SCHIP1: variants seen among roughly 807,000 people sequenced by gnomAD.
SCHIP1 encodes schwannomin interacting protein 1, also known as schwannomin-interacting protein 1.
A neutral mutation model predicts 29.7 loss-of-function variants in SCHIP1; 8 were observed. That is an observed-to-expected ratio of 0.27 (90% CI 0.16 to 0.49). The LOEUF (loss-of-function observed/expected upper bound fraction) is 0.49, where lower values mean the gene tolerates loss of function less well. Among genes scored for constraint, SCHIP1 ranks in the 20% least tolerant of loss-of-function variants. The probability of loss-of-function intolerance (pLI) is 0.99; values close to 1 mark genes in which losing one functional copy is unlikely to be tolerated. For synonymous variants in SCHIP1, 76 were observed against 94.9 expected (o/e 0.80, Z 1.16); for missense variants, 193 against 294.6 (o/e 0.66, Z 2.52).
the SCHIP1 span, among the ~76,000 whole-genome samples, chr3:159,834,810 A>ATG: frequency 1.3e-5 from 2 of 152,200 alleles, no homozygotes; most frequent in Admixed American, 6.5e-5. Context: ...CCTTCAGGTG[A>ATG]TGTGTATAAA....
At chr3:159,443,063 G>T in the SCHIP1 span, among the ~76,000 whole-genome samples, 1 of 152,186 alleles carries the variant, frequency 6.6e-6, no homozygotes, top group Non-Finnish European at 1.5e-5. Flanking sequence ...AGAGCTGAGG[G>T]AGTTGGTTGG....
At chr3:159,423,374 G>A in the SCHIP1 span, among the ~76,000 whole-genome samples, 8 of 152,342 alleles carry the variant, frequency 5.3e-5, no homozygotes, top group South Asian at 4.1e-4. Context: ...CTTTTCCGAC[G>A]GGCTTAAAAA....
chr3:159,854,612 G>A (rs568120659), intron 1 of SCHIP1, among the ~76,000 whole-genome samples: 7 of 152,266 alleles, frequency 4.6e-5, no homozygotes, highest in South Asian at 2.1e-4. Context: ...CCAGCTGTCC[G>A]CTTCTGCCGG....
the SCHIP1 span, among the ~76,000 whole-genome samples, chr3:159,656,605 T>C: frequency 6.6e-6 from 1 of 152,212 alleles, no homozygotes; most frequent in Non-Finnish European, 1.5e-5. Context: ...ATTCATCTAC[T>C]CTGTGCCTCG....
At chr3:159,786,659 G>A in the SCHIP1 span, among the ~76,000 whole-genome samples, 4 of 131,590 alleles carry the variant, frequency 3.0e-5, no homozygotes, top group Middle Eastern at 3.3e-3. Context: ...GTGACTCTGA[G>A]TCAAAGCGTG....
At chr3:159,400,436 G>A in the SCHIP1 span, among the ~76,000 whole-genome samples, 3 of 152,144 alleles carry the variant, frequency 2.0e-5, no homozygotes, top group Admixed American at 6.5e-5. Flanking sequence ...TACATGCCAG[G>A]TACTTTATGT....
At chr3:159,392,296 T>C in the SCHIP1 span, among the ~76,000 whole-genome samples, 2 of 152,168 alleles carry the variant, frequency 1.3e-5, no homozygotes, top group Non-Finnish European at 2.9e-5. Context: ...GAAAATGTTC[T>C]TGCCAGCACT....
At chr3:159,305,478 G>C in the SCHIP1 span, among the ~76,000 whole-genome samples, 9 of 152,112 alleles carry the variant, frequency 5.9e-5, no homozygotes, top group Non-Finnish European at 1.3e-4. Context: ...CTCAGAGAAA[G>C]TATTGCTCCT....
At chr3:159,414,639 C>T in the SCHIP1 span, among the ~76,000 whole-genome samples, 22 of 152,266 alleles carry the variant, frequency 1.4e-4, no homozygotes, top group South Asian at 6.2e-4. Context: ...ATGCCCAGTA[C>T]GTATAGATGC....
the SCHIP1 span, among the ~76,000 whole-genome samples, chr3:159,384,030 G>T: frequency 2.6e-5 from 4 of 151,592 alleles, no homozygotes; most frequent in Middle Eastern, 3.4e-3. Context: ...GGGTTTTCTA[G>T]ATATACAATC....
chr3:159,397,589 G>A, the SCHIP1 span, among the ~76,000 whole-genome samples: 3 of 152,184 alleles, frequency 2.0e-5, no homozygotes, highest in Non-Finnish European at 4.4e-5. Context: ...TGTGTGAGGT[G>A]TCAATCTTCC....
chr3:159,688,578 C>T, the SCHIP1 span, among the ~76,000 whole-genome samples: 178 of 152,278 alleles, frequency 1.2e-3, no homozygotes, highest in African/African-American at 4.2e-3. Context: ...GTTTCTTTTG[C>T]TGTGCAGAAG....
the SCHIP1 span, among the ~76,000 whole-genome samples, chr3:159,553,257 GA>G: frequency 1.6e-5 from 2 of 123,124 alleles, no homozygotes; most frequent in African/African-American, 8.2e-5. Flanking sequence ...CATTCAAATG[GA>G]AAAGGTTAAA....
the SCHIP1 span, among the ~76,000 whole-genome samples, chr3:159,578,928 T>C: frequency 6.6e-6 from 1 of 152,186 alleles, no homozygotes; most frequent in Non-Finnish European, 1.5e-5. Flanking sequence ...CCATGTGAAA[T>C]AGCATATTCA....
chr3:159,540,277 T>C, the SCHIP1 span, among the ~76,000 whole-genome samples: 1 of 152,116 alleles, frequency 6.6e-6, no homozygotes, highest in African/African-American at 2.4e-5. Context: ...GCTAAGAGTG[T>C]AGAAAGGTAC....
At chr3:159,361,569 A>T in the SCHIP1 span, among the ~76,000 whole-genome samples, 2 of 152,234 alleles carry the variant, frequency 1.3e-5, no homozygotes, top group African/African-American at 4.8e-5. Flanking sequence ...GGTTTTGAGA[A>T]GACAAAATGC....
chr3:159,278,583 A>G, the SCHIP1 span, among the ~76,000 whole-genome samples: 2 of 152,284 alleles, frequency 1.3e-5, 1 homozygote, highest in African/African-American at 4.8e-5. Context: ...TTCAATCTGT[A>G]TAGCTATAGC....
the SCHIP1 span, among the ~76,000 whole-genome samples, chr3:159,750,776 G>A: frequency 6.6e-6 from 1 of 152,002 alleles, no homozygotes; most frequent in South Asian, 2.1e-4. Context: ...AGACAAGGAT[G>A]GCTCCCAAAT....
At chr3:159,403,993 T>A in the SCHIP1 span, among the ~76,000 whole-genome samples, 1 of 152,294 alleles carries the variant, frequency 6.6e-6, no homozygotes, top group South Asian at 2.1e-4. Flanking sequence ...TTCCAGGTCC[T>A]AGTTCCTGGA....
Sources: allele counts gnomAD v4.1 joint callset (sites outside exome capture counted in the v4.1 genomes callset), GRCh38; gene constraint gnomAD v4.1.1; transcripts MANE v1.5; gene names NCBI Gene and HGNC (gene_info 2026-07-23, HGNC 2026-07-21).